The following PIK3CB variants were observed in gnomAD, a reference collection of about 807,000 sequenced individuals.
The protein encoded by PIK3CB is phosphatidylinositol 4,5-bisphosphate 3-kinase catalytic subunit beta isoform.
A neutral mutation model predicts 136.8 loss-of-function variants in PIK3CB; 39 were observed. That is an observed-to-expected ratio of 0.29 (90% CI 0.22 to 0.37). The LOEUF is 0.37. Among genes scored for constraint, PIK3CB ranks in the 10% least tolerant of loss-of-function variants. The pLI is 1.00. For missense variants in PIK3CB, 868 were observed against 1,275.4 expected, an observed-to-expected ratio of 0.68 and a Z score of 4.87; for synonymous variants, 428 against 436.6, an observed-to-expected ratio of 0.98 and a Z score of 0.25.
At chr3:138,785,136 G>A (rs2045964270) in intron 2 of PIK3CB, among the ~76,000 whole-genome samples, 1 of 151,366 alleles carries the variant, frequency 6.6e-6, no homozygotes, top group African/African-American at 2.4e-5. Flanking sequence ...CCCCGTCCGG[G>A]AGGGAGATGG....
At chr3:138,751,230 G>A (rs438456) in intron 4 of PIK3CB, among the ~76,000 whole-genome samples, 81,306 of 151,802 alleles carry the variant, frequency 0.54, 23,095 homozygotes, top group East Asian at 0.98. Flanking sequence ...AGGCCGAGGC[G>A]GGCGGATCAC....
intron 2 of PIK3CB, among the ~76,000 whole-genome samples, chr3:138,786,267 T>C (rs1480879913): frequency 1.3e-5 from 2 of 152,204 alleles, no homozygotes; most frequent in African/African-American, 4.8e-5. Flanking sequence ...TTTGTAGTCA[T>C]GAGCTATATA....
At chr3:138,685,052 T>C in intron 16 of PIK3CB, 2 of 368,364 alleles carry the variant, frequency 5.4e-6, no homozygotes, top group South Asian at 7.2e-5. Flanking sequence ...ATCTTACAAA[T>C]TCGAGAAAAG....
At chr3:138,751,971 TA>T (rs11328258) in intron 4 of PIK3CB, among the ~76,000 whole-genome samples, 58,827 of 114,774 alleles carry the variant, frequency 0.51, 14,772 homozygotes, top group East Asian at 0.96. Flanking sequence ...ACTCTGTATA[TA>T]AAAAAAAAAA....
chr3:138,717,581 G>A (rs548952835), intron 8 of PIK3CB, among the ~76,000 whole-genome samples: 22 of 152,006 alleles, frequency 1.4e-4, no homozygotes, highest in Admixed American at 5.2e-4. Flanking sequence ...GTGAAGGTTC[G>A]TTACATAGGT....
In PIK3CB at chr3:138,697,220, A is replaced by G. The variant is rs186677639; in HGVS notation, c.1770+1687T>C. Among the ~76,000 whole-genome samples, 3 of 152,334 alleles carry G rather than the reference A, an allele frequency of 2.0e-5. No homozygotes were observed. In the East Asian group the frequency reaches 5.8e-4, roughly 29 times the overall value. On this transcript the variant is annotated intron_variant, in intron 13 of 23. Coordinates refer to ENST00000674063, the MANE Select transcript of PIK3CB (RefSeq NM_006219.3). The stretch of plus-strand genomic sequence containing the variant: ...ACAGGCAAATGTGTCAACTAAAAAA[A>G]TGCTTAGATCTTGTTTTCCATTACT...
chr3:138,806,930 C>T (rs939517266), intron 1 of PIK3CB, among the ~76,000 whole-genome samples: 1 of 152,198 alleles, frequency 6.6e-6, no homozygotes, highest in African/African-American at 2.4e-5. Flanking sequence ...TTATAATATG[C>T]GCAAGCATTC....
intron 12 of PIK3CB, among the ~76,000 whole-genome samples, chr3:138,700,198 G>A (rs2044221270): frequency 6.6e-6 from 1 of 152,058 alleles, no homozygotes; most frequent in Non-Finnish European, 1.5e-5. Context: ...CTCCAGTCTG[G>A]GCAACAAAGC....
At chr3:138,804,808 A>G (rs967124873) in intron 1 of PIK3CB, among the ~76,000 whole-genome samples, 1 of 152,050 alleles carries the variant, frequency 6.6e-6, no homozygotes, top group Non-Finnish European at 1.5e-5. Context: ...GCGGATCACG[A>G]GGTCAGGAGA....
intron 2 of PIK3CB, among the ~76,000 whole-genome samples, chr3:138,765,310 C>T (rs946349781): frequency 6.6e-6 from 1 of 151,300 alleles, no homozygotes; most frequent in African/African-American, 2.4e-5. Flanking sequence ...GAGCAAGACT[C>T]CATTTCCAAA....
intron 18 of PIK3CB, among the ~76,000 whole-genome samples, chr3:138,682,298 G>A (rs565652923): frequency 3.2e-4 from 48 of 152,172 alleles, no homozygotes; most frequent in African/African-American, 1.1e-3. Flanking sequence ...GCATAGCTTC[G>A]GAGAACTTTT....
At chr3:138,732,764 T>C (rs1302535363) in intron 8 of PIK3CB, among the ~76,000 whole-genome samples, 1 of 149,396 alleles carries the variant, frequency 6.7e-6, no homozygotes, top group Non-Finnish European at 1.5e-5. Context: ...TCAGTGCAGC[T>C]CTAGGCAAGG....
intron 19 of PIK3CB, among the ~76,000 whole-genome samples, chr3:138,674,861 G>A (rs988812921): frequency 6.6e-6 from 1 of 152,156 alleles, no homozygotes; most frequent in African/African-American, 2.4e-5. Context: ...TTCAAGACCA[G>A]CCTGGCCAAC....
intron 8 of PIK3CB, among the ~76,000 whole-genome samples, chr3:138,715,448 A>C (rs1454409541): frequency 6.6e-6 from 1 of 152,246 alleles, no homozygotes; most frequent in Non-Finnish European, 1.5e-5. Context: ...TTTTAAGGTC[A>C]AAGTTTTTAT....
rs536429276 is a variant in PIK3CB at position 138,821,551 on chromosome 3, G to A, written c.-122+13144C>T. Among the ~76,000 whole-genome samples the A allele has an allele frequency of 7.9e-5, 12 of 152,252 alleles. No homozygotes were observed. The East Asian group carries it at 1.7e-3, about 22-fold the overall frequency. ...TGTAATCCCAGCACTCTGGGAGGCC[G>A]AGATGGGTGGATCACCTGAGGTCAG... On this transcript the variant is annotated intron_variant, in intron 1 of 23. Coordinates refer to ENST00000674063, the MANE Select transcript of PIK3CB (RefSeq NM_006219.3).
intron 4 of PIK3CB, among the ~76,000 whole-genome samples, chr3:138,754,174 T>C (rs756610482): frequency 2.0e-5 from 3 of 151,966 alleles, no homozygotes; most frequent in African/African-American, 4.8e-5. Flanking sequence ...ATAAAAATAT[T>C]TGGGCCAGGT....
chr3:138,795,021 T>C (rs1553741484), intron 2 of PIK3CB, among the ~76,000 whole-genome samples: 1 of 150,942 alleles, frequency 6.6e-6, no homozygotes, highest in Non-Finnish European at 1.5e-5. Context: ...CCCATTTTCT[T>C]AAAAAAAAAT....
At chr3:138,656,912 C>T (rs1205012584) in intron 22 of PIK3CB, among the ~76,000 whole-genome samples, 4 of 152,078 alleles carry the variant, frequency 2.6e-5, no homozygotes, top group African/African-American at 9.7e-5. Context: ...AGATTACAGG[C>T]GTGTGCCACC....
rs1316877224 is a variant in PIK3CB, at chr3:138,834,905, G to T, written c.-332C>A. ...CAGGCCGACAGAGCACGCGCGCGCCGCCGCCGAACCCGCGCCCGTGTGCGC... is the reference window on the plus strand; with the variant it reads ...CAGGCCGACAGAGCACGCGCGCGCCTCCGCCGAACCCGCGCCCGTGTGCGC... On this transcript the variant is annotated 5_prime_UTR_variant, in exon 1 of 24. Coordinates refer to ENST00000674063, the MANE Select transcript of PIK3CB (RefSeq NM_006219.3). 1 of 150,886 alleles carries T rather than the reference G, an allele frequency of 6.6e-6. No individual in the cohort carries two copies. Among genetic ancestry groups the T allele is most frequent in the African/African-American group, 2.4e-5 (1 of 41,246 alleles). 9.3% of individuals were successfully genotyped at this position (150,886 alleles called of 1,614,324 possible). A position where few individuals can be genotyped will look rare whatever the true frequency, so the allele number is the denominator to read the frequency against.
Sources: allele counts gnomAD v4.1 joint callset (sites outside exome capture counted in the v4.1 genomes callset), GRCh38; gene constraint gnomAD v4.1.1; transcripts MANE v1.5; gene names NCBI Gene and HGNC (gene_info 2026-07-23, HGNC 2026-07-21).